The following LMX1A variants were observed in gnomAD, a reference collection of about 807,000 sequenced individuals.
The protein encoded by LMX1A is LIM homeobox transcription factor 1-alpha.
In LMX1A, 15 loss-of-function variants were observed where a neutral mutation model predicts 49.1. That is an observed-to-expected ratio of 0.31 (90% CI 0.20 to 0.47). The LOEUF (loss-of-function observed/expected upper bound fraction) is 0.47. LMX1A is among the 20% of genes least tolerant of loss of function. The pLI, the probability that LMX1A is intolerant of heterozygous loss-of-function variation, is 1.00. For synonymous variants in LMX1A, 167 were observed against 185.7 expected, an observed-to-expected ratio of 0.90 and a Z score of 0.82; for missense variants, 372 against 475.8, an observed-to-expected ratio of 0.78 and a Z score of 2.03.
chr1:165,333,050 AT>A (rs1655794670), intron 3 of LMX1A, among the ~76,000 whole-genome samples: 1 of 152,164 alleles, frequency 6.6e-6, no homozygotes, highest in African/African-American at 2.4e-5. Context: ...TGGAGCCTCG[AT>A]TTCCTTATCT....
At chr1:165,209,951 T>C (rs1413323546) in intron 6 of LMX1A, among the ~76,000 whole-genome samples, 2 of 152,208 alleles carry the variant, frequency 1.3e-5, no homozygotes, top group African/African-American at 2.4e-5. Context: ...GTAGAGAGTG[T>C]CAGAATTAGA....
In LMX1A at chr1:165,236,982, G is replaced by C. The variant is rs1652471767; in HGVS notation, c.496+12426C>G. On this transcript the variant is annotated intron_variant, in intron 4 of 8. Coordinates refer to ENST00000342310, the MANE Select transcript of LMX1A (RefSeq NM_177398.4). ...ATGGTTTCCTTCTACAAGAATGTAG[G>C]CTGTGTGAGAGCAGAGGTATCATCC... 2.0e-5 allele frequency among the ~76,000 whole-genome samples: 3 copies of C among 152,028 alleles called. No individual in the cohort carries two copies. In the South Asian group the frequency reaches 6.2e-4, roughly 32 times the overall value.
intron 3 of LMX1A, among the ~76,000 whole-genome samples, chr1:165,249,886 A>G (rs191947200): frequency 7.9e-5 from 12 of 152,328 alleles, no homozygotes; most frequent in African/African-American, 2.2e-4. Context: ...TACACCATGG[A>G]ATACTATGCA....
chr1:165,283,803 C>G (rs1654224083), intron 3 of LMX1A, among the ~76,000 whole-genome samples: 1 of 152,208 alleles, frequency 6.6e-6, no homozygotes. Context: ...AAAATACACA[C>G]AAACACAAAC....
At chr1:165,315,277 G>T (rs1291752948) in intron 3 of LMX1A, among the ~76,000 whole-genome samples, 1 of 152,068 alleles carries the variant, frequency 6.6e-6, no homozygotes, top group Non-Finnish European at 1.5e-5. Context: ...CCTCCTTTGG[G>T]CTGATTCCAG....
chr1:165,338,183 G>A (rs1655961133), intron 3 of LMX1A, among the ~76,000 whole-genome samples: 1 of 152,124 alleles, frequency 6.6e-6, no homozygotes, highest in African/African-American at 2.4e-5. Context: ...TAAAAGTCAG[G>A]AATATGAGCT....
chr1:165,285,885 T>G (rs1654291732), intron 3 of LMX1A, among the ~76,000 whole-genome samples: 1 of 152,222 alleles, frequency 6.6e-6, no homozygotes, highest in Non-Finnish European at 1.5e-5. Context: ...TTGCCAGCCA[T>G]GTGACACTGC....
At chr1:165,222,543 G>A (rs1651887862) in intron 4 of LMX1A, among the ~76,000 whole-genome samples, 1 of 152,214 alleles carries the variant, frequency 6.6e-6, no homozygotes, top group Non-Finnish European at 1.5e-5. Flanking sequence ...AAGACAAAGG[G>A]TTAATTATCT....
chr1:165,275,141 T>C (rs990212629), intron 3 of LMX1A, among the ~76,000 whole-genome samples: 2 of 152,122 alleles, frequency 1.3e-5, no homozygotes, highest in African/African-American at 4.8e-5. Flanking sequence ...AGGCTTCCCA[T>C]TGATCAAACA....
chr1:165,217,828 G>A (rs1362430488), intron 4 of LMX1A, among the ~76,000 whole-genome samples: 1 of 152,222 alleles, frequency 6.6e-6, no homozygotes, highest in Admixed American at 6.5e-5. Flanking sequence ...CTTTTGTGGT[G>A]CATTTTCTTT....
chr1:165,317,157 C>T (rs1400931868), intron 3 of LMX1A, among the ~76,000 whole-genome samples: 1 of 152,164 alleles, frequency 6.6e-6, no homozygotes, highest in Non-Finnish European at 1.5e-5. Flanking sequence ...CTGAGGGGTG[C>T]TCTGAATTTG....
chr1:165,286,010 A>C lies in LMX1A; in HGVS notation c.264-36370T>G, dbSNP rs767377797. Among the ~76,000 whole-genome samples, 3 of 152,190 alleles carry C rather than the reference A, an allele frequency of 2.0e-5. 1 individual carries two copies. The highest frequency in any genetic ancestry group is 4.4e-5 in the Non-Finnish European group (3 of 68,016). On this transcript the variant is annotated intron_variant, in intron 3 of 8. Coordinates refer to ENST00000342310, the MANE Select transcript of LMX1A (RefSeq NM_177398.4). Reference sequence around the variant, plus strand: ...TATCGAGACTCATAGGCTAAAATCCAAGGGGAGGCAAGACCCCTGAGTGGT... The same window carrying C: ...TATCGAGACTCATAGGCTAAAATCCCAGGGGAGGCAAGACCCCTGAGTGGT...
At chr1:165,255,201 AAAG>A (rs1279508888) in intron 3 of LMX1A, among the ~76,000 whole-genome samples, 2 of 152,252 alleles carry the variant, frequency 1.3e-5, no homozygotes, top group African/African-American at 4.8e-5. Flanking sequence ...GGAATAGCAC[AAAG>A]AAGAGACCTA....
chr1:165,253,015 T>C (rs907848886), intron 3 of LMX1A, among the ~76,000 whole-genome samples: 3 of 152,190 alleles, frequency 2.0e-5, no homozygotes, highest in African/African-American at 7.2e-5. Flanking sequence ...TCTGTGTCTT[T>C]ATAGGGAGGG....
intron 4 of LMX1A, among the ~76,000 whole-genome samples, chr1:165,245,244 C>T (rs572263225): frequency 2.5e-3 from 383 of 152,156 alleles, no homozygotes; most frequent in African/African-American, 8.7e-3. Context: ...CCTTTGCCCC[C>T]CGCTCTCCTT....
At chr1:165,268,982 T>C (rs1398788827) in intron 3 of LMX1A, among the ~76,000 whole-genome samples, 1 of 152,214 alleles carries the variant, frequency 6.6e-6, no homozygotes, top group Non-Finnish European at 1.5e-5. Context: ...AAATCTCCAA[T>C]AGTATGTGGC....
intron 3 of LMX1A, among the ~76,000 whole-genome samples, chr1:165,322,757 T>C (rs1487174382): frequency 6.6e-6 from 1 of 152,186 alleles, no homozygotes; most frequent in Non-Finnish European, 1.5e-5. Flanking sequence ...TTGCACAAAA[T>C]TGTGAATTTA....
intron 4 of LMX1A, among the ~76,000 whole-genome samples, chr1:165,228,796 T>C (rs944564755): frequency 2.0e-5 from 3 of 152,156 alleles, no homozygotes; most frequent in Admixed American, 6.5e-5. Context: ...GTCAGCACCA[T>C]GGCCAGATCC....
At chr1:165,299,907 C>A (rs567116062) in intron 3 of LMX1A, among the ~76,000 whole-genome samples, 2 of 152,248 alleles carry the variant, frequency 1.3e-5, no homozygotes, top group South Asian at 4.1e-4. Flanking sequence ...CTGACCTCCC[C>A]CAAGACAGGG....
Sources: gnomAD v4.1 joint callset for allele counts (sites outside exome capture counted in the v4.1 genomes callset) on GRCh38, gnomAD v4.1.1 for gene constraint, MANE v1.5 for transcripts, NCBI Gene and HGNC (gene_info 2026-07-23, HGNC 2026-07-21) for gene names.